The following SPATA31C2 variants were observed in gnomAD, a reference collection of about 807,000 sequenced individuals.
SPATA31C2 encodes SPATA31 subfamily C member 2.
Under a neutral mutation model 11.4 loss-of-function variants are expected in SPATA31C2, and 5 were observed. That is an observed-to-expected ratio of 0.44 (90% CI 0.23 to 0.92). The LOEUF (loss-of-function observed/expected upper bound fraction) is 0.92, where lower values mean the gene tolerates loss of function less well. Among genes scored for constraint, SPATA31C2 ranks in the 40% least tolerant of loss-of-function variants. The pLI, the probability that SPATA31C2 is intolerant of heterozygous loss-of-function variation, is 0.24. For missense variants in SPATA31C2, 1,353 were observed against 1,368.6 expected (o/e 0.99, Z 0.18); for synonymous variants, 515 against 538.7 (o/e 0.96, Z 0.61).
rs1183144063 is a variant in SPATA31C2 at position 88,137,997 on chromosome 9, C to T, written c.189+261G>A. ...CCCCCGTCTCATGACCGGTCCTGGC[C>T]GCTGAGCCCACGGGTTTGATTTTGC... On this transcript the variant is annotated intron_variant, in intron 1 of 3. Coordinates refer to ENST00000324915, the MANE Select transcript of SPATA31C2 (RefSeq NM_001350978.3). Among the ~76,000 whole-genome samples the T allele has an allele frequency of 4.7e-5, 5 of 106,858 alleles. 1 individual carries two copies. Among genetic ancestry groups the T allele is most frequent in the South Asian group, 6.4e-4 (2 of 3,104 alleles). 70.1% of individuals were successfully genotyped at this position (106,858 alleles called of 152,430 possible).
In SPATA31C2 at chr9:88,131,840, C is replaced by T. The variant is rs758513177; in HGVS notation, c.1197G>A (p.Arg399=). The change falls in exon 4 of 4, where the codon AGG becomes AGA. Residue 399 remains arginine, a synonymous_variant. Coordinates refer to ENST00000324915, the MANE Select transcript of SPATA31C2 (RefSeq NM_001350978.3). Reference sequence around the variant, plus strand: ...CTTCTAGTTGTTTCTTCAACAAAGGCCTTTCAGGGTGCTGAGTTTCAGGTA... The same window carrying T: ...CTTCTAGTTGTTTCTTCAACAAAGGTCTTTCAGGGTGCTGAGTTTCAGGTA... ...LSLPETQHPE[R]PLLKKQLEGG... is the part of the protein sequence containing the mutation. 14 of 1,611,208 alleles carry T rather than the reference C, an allele frequency of 8.7e-6. No homozygotes were observed. The highest frequency in any genetic ancestry group is 1.7e-5 in the Admixed American group (1 of 59,958).
chr9:88,133,721 C>G, intron 1 of SPATA31C2, 52 bp from the exon 2 acceptor site: 1 of 1,412,984 alleles, frequency 7.1e-7, no homozygotes. Flanking sequence ...CTCTCTGCCC[C>G]CAGCCCAGCC....
rs1241594059 is a variant in SPATA31C2 at position 88,130,022 on chromosome 9, T to C, written c.3015A>G (p.Ser1005=). 4 of 1,608,182 alleles carry C rather than the reference T, an allele frequency of 2.5e-6. No homozygotes were observed. Among genetic ancestry groups the C allele is most frequent in the Non-Finnish European group, 3.4e-6 (4 of 1,176,902 alleles). ...TGATGTTTTCTCCAAAGTGGCTTAT[T>C]GAAGGAGGCTGTTTCTTTGATGGCA... The part of the protein sequence containing the change: ...QLLPSKKQPP[S]ISHFGENIKQ... Residue 1005 remains serine, a synonymous_variant, in exon 4 of 4, where the codon TCA becomes TCG. Coordinates refer to ENST00000324915, the MANE Select transcript of SPATA31C2 (RefSeq NM_001350978.3).
At chr9:88,133,785 T>G in intron 1 of SPATA31C2, 116 bp from the exon 2 acceptor site, 2 of 1,355,206 alleles carry the variant, frequency 1.5e-6, no homozygotes, top group Non-Finnish European at 2.0e-6. Flanking sequence ...CTCAGGGAGC[T>G]CTGTGTGCTT....
At chr9:88,132,750 A>T (rs762855702) in intron 3 of SPATA31C2, 40 bp from the exon 4 acceptor site, 1 of 1,578,602 alleles carries the variant, frequency 6.3e-7, no homozygotes, top group Non-Finnish European at 8.6e-7. Flanking sequence ...CCAGGAGCAG[A>T]TGGGTTCGGA....
chr9:88,137,103 A>G (rs921405249), intron 1 of SPATA31C2, among the ~76,000 whole-genome samples: 5 of 136,962 alleles, frequency 3.7e-5, no homozygotes, highest in Admixed American at 8.3e-5. Context: ...ATTCTACCCA[A>G]TTTTTTAACT....
In SPATA31C2 at chr9:88,131,847, G is replaced by A. The variant is rs756113688; in HGVS notation, c.1190C>T (p.Pro397Leu). ...QALSLPETQH[P>L]ERPLLKKQLE... Reference sequence around the variant, plus strand: ...TTGTTTCTTCAACAAAGGCCTTTCAGGGTGCTGAGTTTCAGGTAGGGAGAG... The same window carrying A: ...TTGTTTCTTCAACAAAGGCCTTTCAAGGTGCTGAGTTTCAGGTAGGGAGAG... The change falls in exon 4 of 4, where the codon CCT (proline) becomes CTT (leucine). Residue 397 changes from proline (P) to leucine (L), a missense_variant. Coordinates refer to ENST00000324915, the MANE Select transcript of SPATA31C2 (RefSeq NM_001350978.3). The A allele has an allele frequency of 1.2e-6, 2 of 1,611,292 alleles. No homozygotes were observed. Among genetic ancestry groups the A allele is most frequent in the Non-Finnish European group, 1.7e-6 (2 of 1,179,330 alleles).
chr9:88,129,858 C>G lies in SPATA31C2; in HGVS notation c.3179G>C (p.Gly1060Ala), dbSNP rs1211092601. 2 of 1,604,986 alleles carry G rather than the reference C, an allele frequency of 1.2e-6. No individual in the cohort carries two copies. Among genetic ancestry groups the G allele is most frequent in the Non-Finnish European group, 1.7e-6 (2 of 1,174,202 alleles). Reference protein sequence around the residue: ...AEAERLMTAVGQILEENMSLC... With the variant: ...AEAERLMTAVAQILEENMSLC... The stretch of plus-strand genomic sequence containing the variant: ...TGACATGTTCTCCTCCAGTATCTGT[C>G]CAACTGCTGTCATGAGCCTCTCAGC... Residue 1060 changes from glycine to alanine, a missense_variant, in exon 4 of 4, where the codon GGA (glycine) becomes GCA (alanine). Gly to Ala is a moderately conservative substitution (Grantham distance 60, BLOSUM62 0). Coordinates refer to ENST00000324915, the MANE Select transcript of SPATA31C2 (RefSeq NM_001350978.3).
At position 88,130,316 on chromosome 9, in the gene SPATA31C2, C is replaced by T. The variant is rs1825566045; in HGVS notation, c.2721G>A (p.Met907Ile). ...SQVPQGHLQS[M>I]PTGNMQASQE... ...GGGAAGCCTGCATGTTCCCAGTAGGCATGCTCTGGAGATGGCCCTGGGGCA... is the reference window on the plus strand; with the variant it reads ...GGGAAGCCTGCATGTTCCCAGTAGGTATGCTCTGGAGATGGCCCTGGGGCA... The change falls in exon 4 of 4, where the codon ATG (methionine) becomes ATA (isoleucine). Residue 907 changes from methionine to isoleucine, a missense_variant. Met to Ile is a conservative substitution (Grantham distance 10, BLOSUM62 1). Coordinates refer to ENST00000324915, the MANE Select transcript of SPATA31C2 (RefSeq NM_001350978.3). 1 of 1,608,806 alleles carries T rather than the reference C, an allele frequency of 6.2e-7. No homozygotes were observed. Among genetic ancestry groups the T allele is most frequent in the African/African-American group, 1.3e-5 (1 of 74,688 alleles).
At position 88,132,008 on chromosome 9, in the gene SPATA31C2, G is replaced by A; in HGVS notation, c.1029C>T (p.Phe343=). The A allele has an allele frequency of 6.2e-7, 1 of 1,611,050 alleles. No homozygotes were observed. The highest frequency in any genetic ancestry group is 8.5e-7 in the Non-Finnish European group (1 of 1,177,836). The change falls in exon 4 of 4, where the codon TTC becomes TTT. Residue 343 remains phenylalanine, a synonymous_variant. Coordinates refer to ENST00000324915, the MANE Select transcript of SPATA31C2 (RefSeq NM_001350978.3). ...CGGCCTGAGCCATAGGTGTGGGCCA[G>A]AATTGGGGTGTGGATGAAATAAAGG... is the stretch of plus-strand genomic sequence containing the variant. The part of the protein sequence containing the change: ...SQPFISSTPQ[F]WPTPMAQAEA...
Position 88,131,895 on chromosome 9 carries a change from G to T in SPATA31C2, c.1142C>A (p.Ala381Glu), listed in dbSNP as rs773520647. ...GAGAGCTTGCACTTTATTCTGCGAC[G>T]CAGGGCAAGCTACTCCAGTGTTCTT... Reference protein sequence around the residue: ...PMKNTGVACPASQNKVQALSL... With the variant: ...PMKNTGVACPESQNKVQALSL... Residue 381 changes from alanine (A) to glutamate (E), a missense_variant, in exon 4 of 4, where the codon GCG becomes GAG. Ala to Glu is a moderately radical substitution (Grantham distance 107). Around this residue, in one of 6 missense-constraint regions of SPATA31C2, gnomAD observed 1,075 missense variants for 992.8 expected, o/e 1.08. Transcript: ENST00000324915. 9 of 1,610,252 alleles carry T rather than the reference G, an allele frequency of 5.6e-6. No individual in the cohort carries two copies. In the East Asian group the frequency reaches 8.9e-5, roughly 16 times the overall value.
chr9:88,132,574 C>T lies in SPATA31C2; in HGVS notation c.463G>A (p.Val155Ile). 1 of 1,610,442 alleles carries T rather than the reference C, an allele frequency of 6.2e-7. No individual in the cohort carries two copies. Among genetic ancestry groups the T allele is most frequent in the Admixed American group, 1.7e-5 (1 of 59,780 alleles). ...GGATCCGGGGAAGCTAACGGGGAGA[C>T]AATGGGAGCAGCGTCTTCCGTAGGC... ...HEPTEDAAPI[V>I]SPLASPDPRT... is the part of the protein sequence containing the mutation. Residue 155 changes from valine to isoleucine, a missense_variant, in exon 4 of 4, where the codon GTC becomes ATC. This residue lies in a region of SPATA31C2 where 1,075 missense variants were observed against 992.8 expected (regional missense o/e 1.08). Coordinates refer to ENST00000324915, the MANE Select transcript of SPATA31C2 (RefSeq NM_001350978.3).
At chr9:88,136,385 T>C (rs1825682370) in intron 1 of SPATA31C2, among the ~76,000 whole-genome samples, 1 of 140,452 alleles carries the variant, frequency 7.1e-6, no homozygotes, top group South Asian at 2.3e-4. Flanking sequence ...AATTGGCTTG[T>C]TTTTTCTTGT....
chr9:88,133,834 C>T (rs562923910), intron 1 of SPATA31C2, among the ~76,000 whole-genome samples, 165 bp from the exon 2 acceptor site: 25 of 152,284 alleles, frequency 1.6e-4, no homozygotes, highest in Admixed American at 1.3e-4. Flanking sequence ...TGATAAACTG[C>T]TTTTCTTAGA....
rs371471334 is a variant in SPATA31C2 at position 88,133,662 on chromosome 9, A to G, written c.197T>C (p.Leu66Pro). 58 of 1,596,172 alleles carry G rather than the reference A, an allele frequency of 3.6e-5. No homozygotes were observed. Among genetic ancestry groups the G allele is most frequent in the Non-Finnish European group, 4.5e-5 (52 of 1,166,026 alleles). Residue 66 changes from leucine (L) to proline (P), a missense_variant, in exon 2 of 4, where the codon CTT (leucine) becomes CCT (proline). By Grantham distance (98) the Leu-to-Pro change is moderately conservative. This residue lies in a region of SPATA31C2 where 67 missense variants were observed against 41.4 expected (regional missense o/e 1.62). Coordinates refer to ENST00000324915, the MANE Select transcript of SPATA31C2 (RefSeq NM_001350978.3). Reference protein sequence around the residue: ...SPSPRKRKRHLVSQRPAGRRG... With the variant: ...SPSPRKRKRHPVSQRPAGRRG... ...CCGCCCTGCTGGACGCTGGGAGACA[A>G]GATGACGCTGGGAGACAAGAAATGG...
Position 88,129,699 on chromosome 9 carries a change from C to T in SPATA31C2, c.3338G>A (p.Ser1113Asn), listed in dbSNP as rs1401262622. 7 of 1,603,660 alleles carry T rather than the reference C, an allele frequency of 4.4e-6. No homozygotes were observed. The East Asian group carries it at 1.1e-4, about 26-fold the overall frequency. ...EHSRMLSYAA[S>N]SQQATLKNQS... ...GTTCTTGAGAGTGGCTTGTTGACTG[C>T]TGGCTGCATAGCTCAGCATTCTGCT... The change falls in exon 4 of 4, where the codon AGC (serine) becomes AAC (asparagine). Residue 1113 changes from serine to asparagine, a missense_variant. Transcript: ENST00000324915.
At chr9:88,137,479 A>T (rs1444832425) in intron 1 of SPATA31C2, among the ~76,000 whole-genome samples, 2 of 144,946 alleles carry the variant, frequency 1.4e-5, no homozygotes, top group East Asian at 2.0e-4. Flanking sequence ...AAAATTAGCC[A>T]GGCGTGGTGG....
Position 88,132,124 on chromosome 9 carries a change from G to T in SPATA31C2, c.913C>A (p.Gln305Lys), listed in dbSNP as rs1182357525. Residue 305 changes from glutamine (Q) to lysine (K), a missense_variant, in exon 4 of 4, where the codon CAA (glutamine) becomes AAA (lysine). Gln to Lys is a moderately conservative substitution (Grantham distance 53). Transcript: ENST00000324915. ...TCCCTTTGGCGGGAAAGATGATCTT[G>T]CTGGACTGACGAGTTGAAGACGCAC... ...TWCVFNSSVQ[Q>K]DHLSRQRDTT... is the part of the protein sequence containing the mutation. 6.2e-7 allele frequency: 1 copy of T among 1,610,524 alleles called. No homozygotes were observed. Among genetic ancestry groups the T allele is most frequent in the African/African-American group, 1.3e-5 (1 of 74,856 alleles).
At chr9:88,135,437 T>C (rs1329303928) in intron 1 of SPATA31C2, among the ~76,000 whole-genome samples, 3 of 99,838 alleles carry the variant, frequency 3.0e-5, no homozygotes, top group Non-Finnish European at 5.1e-5. Context: ...TAAATTTCTT[T>C]TACTCTTATT....
Sources: gnomAD v4.1 joint callset for allele counts (sites outside exome capture counted in the v4.1 genomes callset) on GRCh38, gnomAD v4.1.1 for gene constraint, gnomAD v4.1.1 regional missense constraint, MANE v1.5 for transcripts, NCBI Gene and HGNC (gene_info 2026-07-23, HGNC 2026-07-21) for gene names.